The following RIMS2 variants were observed in gnomAD, a reference collection of about 807,000 sequenced individuals.
RIMS2 encodes regulating synaptic membrane exocytosis protein 2.
Under a neutral mutation model 174.4 loss-of-function variants are expected in RIMS2, and 59 were observed. The observed-to-expected ratio is 0.34, with a 90% confidence interval of 0.27 to 0.42. RIMS2 has a LOEUF of 0.42. Ranked by LOEUF, RIMS2 falls within the 10% of genes least tolerant of loss-of-function variation. RIMS2 has a pLI of 1.00. For missense variants in RIMS2, 1,620 were observed against 1,666.3 expected (o/e 0.97, Z 0.48); for synonymous variants, 606 against 572.5 (o/e 1.06, Z -0.84).
intron 17 of RIMS2, among the ~76,000 whole-genome samples, chr8:103,995,579 G>A (rs2095040964): frequency 6.6e-6 from 1 of 152,072 alleles, no homozygotes; most frequent in East Asian, 1.9e-4. Context: ...GTTGTACCTA[G>A]ATAAGAGGTA....
At chr8:104,157,755 T>C (rs983271475) in intron 19 of RIMS2, among the ~76,000 whole-genome samples, 9 of 152,208 alleles carry the variant, frequency 5.9e-5, no homozygotes, top group Admixed American at 2.0e-4. Flanking sequence ...ACCTTCTGGC[T>C]ATTGTGAATA....
chr8:103,939,320 T>A (rs1466713367), intron 13 of RIMS2, among the ~76,000 whole-genome samples: 1 of 152,208 alleles, frequency 6.6e-6, no homozygotes, highest in Non-Finnish European at 1.5e-5. Flanking sequence ...CTCAACACCA[T>A]GTGGAAGCTG....
chr8:103,709,194 G>T (rs77186107), intron 2 of RIMS2, among the ~76,000 whole-genome samples: 4,546 of 152,014 alleles, frequency 0.03, 75 homozygotes, highest in African/African-American at 0.046. Context: ...TTTAATTTGG[G>T]ACTTAAGATA....
At chr8:103,795,673 A>G (rs1257450167) in intron 3 of RIMS2, among the ~76,000 whole-genome samples, 1 of 152,146 alleles carries the variant, frequency 6.6e-6, no homozygotes, top group African/African-American at 2.4e-5. Context: ...GCGTCCTAAA[A>G]GCAAAAGATA....
intron 3 of RIMS2, among the ~76,000 whole-genome samples, chr8:103,873,296 C>G (rs1028406457): frequency 6.6e-6 from 1 of 152,044 alleles, no homozygotes; most frequent in African/African-American, 2.4e-5. Context: ...GTGTACATTC[C>G]TGTTCCTGCC....
At chr8:103,710,757 C>T (rs2097293790) in intron 2 of RIMS2, among the ~76,000 whole-genome samples, 1 of 152,078 alleles carries the variant, frequency 6.6e-6, no homozygotes, top group South Asian at 2.1e-4. Flanking sequence ...TGAATTTTTT[C>T]ACTTTATAAA....
intron 2 of RIMS2, among the ~76,000 whole-genome samples, chr8:103,745,586 A>C (rs1003114787): frequency 1.3e-5 from 2 of 152,202 alleles, no homozygotes; most frequent in African/African-American, 4.8e-5. Flanking sequence ...TCCCACCAAC[A>C]ATGTACAAGA....
intron 1 of RIMS2, among the ~76,000 whole-genome samples, chr8:103,599,199 A>T (rs899937014): frequency 6.6e-6 from 1 of 151,702 alleles, no homozygotes; most frequent in African/African-American, 2.4e-5. Flanking sequence ...TTTCATCTGT[A>T]TTTGGATTTT....
At chr8:103,662,833 A>G (rs933744602) in intron 1 of RIMS2, among the ~76,000 whole-genome samples, 1 of 152,202 alleles carries the variant, frequency 6.6e-6, no homozygotes, top group Non-Finnish European at 1.5e-5. Flanking sequence ...GAACAGAATA[A>G]TAATGTCAGC....
chr8:103,588,001 A>G (rs2094051941), intron 1 of RIMS2, among the ~76,000 whole-genome samples: 1 of 152,062 alleles, frequency 6.6e-6, no homozygotes, highest in Non-Finnish European at 1.5e-5. Context: ...TTATATTTGG[A>G]AAAACCTAAA....
chr8:104,115,854 T>A (rs1300155116), intron 19 of RIMS2, among the ~76,000 whole-genome samples: 2 of 152,192 alleles, frequency 1.3e-5, no homozygotes, highest in Non-Finnish European at 2.9e-5. Flanking sequence ...TATTGACAGA[T>A]CTGCTGTTTC....
Position 104,078,542 on chromosome 8 carries a change from C to T in RIMS2, c.3334+63927C>T, listed in dbSNP as rs1038965795. On this transcript the variant is annotated intron_variant, in intron 19 of 23. Coordinates refer to ENST00000504942, the Ensembl canonical transcript of RIMS2. ...AACTACCTATGTGACCTCATTTTAC[C>T]TTAATTACCTCTTGAAAAGCTCTAG... Among the ~76,000 whole-genome samples the T allele has an allele frequency of 4.6e-5, 7 of 152,198 alleles. No homozygotes were observed. The East Asian group carries it at 1.4e-3, about 29-fold the overall frequency.
At chr8:103,577,019 A>G (rs2093293685) in intron 1 of RIMS2, among the ~76,000 whole-genome samples, 1 of 152,212 alleles carries the variant, frequency 6.6e-6, no homozygotes, top group Non-Finnish European at 1.5e-5. Context: ...GCATGGGCAA[A>G]GACTTTATGA....
intron 3 of RIMS2, among the ~76,000 whole-genome samples, chr8:103,776,737 T>A (rs1413792513): frequency 1.3e-5 from 2 of 152,090 alleles, no homozygotes; most frequent in Non-Finnish European, 2.9e-5. Context: ...ATAAACCTGT[T>A]GAAGAAGCAA....
intron 19 of RIMS2, among the ~76,000 whole-genome samples, chr8:104,128,130 G>A (rs1232159272): frequency 6.6e-6 from 1 of 152,148 alleles, no homozygotes; most frequent in Non-Finnish European, 1.5e-5. Context: ...TGTACCTAGG[G>A]AGATCACCAA....
chr8:103,975,341 T>C lies in RIMS2; in HGVS notation c.2771-9T>C. ...ATAACTATAATATTTATTAATTTTC[T>C]ACCTTTAGATTATCGACATGATGGT... On this transcript the variant is annotated splice_polypyrimidine_tract_variant and intron_variant, in intron 15 of 23. Coordinates refer to ENST00000504942, the Ensembl canonical transcript of RIMS2. 1 of 1,601,498 alleles carries C rather than the reference T, an allele frequency of 6.2e-7. No individual in the cohort carries two copies. The highest frequency in any genetic ancestry group is 8.6e-7 in the Non-Finnish European group (1 of 1,169,384).
chr8:104,053,313 G>T (rs1309945486), intron 19 of RIMS2, among the ~76,000 whole-genome samples: 1 of 152,138 alleles, frequency 6.6e-6, no homozygotes, highest in Non-Finnish European at 1.5e-5. Flanking sequence ...AGGCTCAGTT[G>T]AATGAACCCA....
chr8:103,808,323 C>T (rs2098664111), intron 3 of RIMS2, among the ~76,000 whole-genome samples: 2 of 152,236 alleles, frequency 1.3e-5, no homozygotes, highest in South Asian at 2.1e-4. Context: ...CTGGCTTCTC[C>T]TTCTTTAACT....
chr8:103,587,428 G>A (rs1287634397), intron 1 of RIMS2, among the ~76,000 whole-genome samples: 1 of 117,046 alleles, frequency 8.5e-6, no homozygotes. Context: ...AAGAAAGAAA[G>A]AAAGAAAGAA....
Sources: gnomAD v4.1 joint callset for allele counts (sites outside exome capture counted in the v4.1 genomes callset) on GRCh38, gnomAD v4.1.1 for gene constraint, MANE v1.5 for transcripts, NCBI Gene and HGNC (gene_info 2026-07-23, HGNC 2026-07-21) for gene names.